NCS1: variants seen among roughly 807,000 people sequenced by gnomAD.
NCS1 encodes the protein neuronal calcium sensor 1, also known as frequenin homolog.
A neutral mutation model predicts 28.4 loss-of-function variants in NCS1; 6 were observed. That is an observed-to-expected ratio of 0.21 (90% CI 0.12 to 0.42). The LOEUF (loss-of-function observed/expected upper bound fraction) is 0.42, where lower values mean the gene tolerates loss of function less well. Ranked by LOEUF, NCS1 falls within the 10% of genes least tolerant of loss-of-function variation. The pLI is 1.00. For missense variants in NCS1, 131 were observed against 241.4 expected (o/e 0.54, Z 3.03); for synonymous variants, 86 against 99.3 (o/e 0.87, Z 0.79).
rs574265034 is a variant in NCS1, at chr9:130,191,739, C to G, written c.65-9219C>G. ...CGACAGTGGCCGTCACAGCTGCTCA[C>G]TGCTGCACATGGCGGTCTGATGGCC... On this transcript the variant is annotated intron_variant, in intron 1 of 7. Transcript: ENST00000372398. This position sits in a 1 kb window ranked among gnomAD's most constrained non-coding sequence, Gnocchi z 6.4. 1.7e-3 allele frequency among the ~76,000 whole-genome samples: 265 copies of G among 152,390 alleles called. No individual in the cohort carries two copies. The highest frequency in any genetic ancestry group is 3.0e-3 in the Non-Finnish European group (205 of 68,034).
chr9:130,204,348 G>T (rs1423976461), intron 2 of NCS1, among the ~76,000 whole-genome samples: 1 of 152,056 alleles, frequency 6.6e-6, no homozygotes, highest in Non-Finnish European at 1.5e-5. Context: ...GAGTGTGGTG[G>T]TACTACCAAA....
In NCS1 at chr9:130,226,786, G is replaced by A. The variant is rs2131160241; in HGVS notation, c.*17+282G>A. On this transcript the variant is annotated intron_variant, in intron 7 of 7. Coordinates refer to ENST00000372398, the MANE Select transcript of NCS1 (RefSeq NM_014286.4). The surrounding 1 kb of genome is among the most constrained non-coding windows in gnomAD (Gnocchi z 4.8). ...TCACGCCTGTAATCCCAGCACTTTG[G>A]GAAGCTGAAGCAGGCGGATCACCAG... 6.6e-6 allele frequency among the ~76,000 whole-genome samples: 1 copy of A among 152,146 alleles called. No homozygotes were observed. The highest frequency in any genetic ancestry group is 1.5e-5 in the Non-Finnish European group (1 of 68,014).
chr9:130,231,907 G>A (rs1833506038), intron 7 of NCS1, among the ~76,000 whole-genome samples: 1 of 151,758 alleles, frequency 6.6e-6, no homozygotes, highest in South Asian at 2.1e-4. Context: ...CCATCCTAGT[G>A]GGTGTGAAGT....
chr9:130,209,091 GGAGA>G lies in NCS1; in HGVS notation c.89+8113_89+8116del, dbSNP rs1374964610. ...GGAGTGTGGGGAGGGGCATGCCACT[GGAGA>G]GAGTTGTTTGAAGAGATAATGGGAG... On this transcript the variant is annotated intron_variant, in intron 2 of 7. Coordinates refer to ENST00000372398, the MANE Select transcript of NCS1 (RefSeq NM_014286.4). The surrounding 1 kb of genome is among the most constrained non-coding windows in gnomAD (Gnocchi z 4.4). 6.6e-6 allele frequency among the ~76,000 whole-genome samples: 1 copy of G among 152,206 alleles called. No individual in the cohort carries two copies. Among genetic ancestry groups the G allele is most frequent in the African/African-American group, 2.4e-5 (1 of 41,450 alleles).
intron 4 of NCS1, 91 bp from the exon 5 acceptor site, chr9:130,222,548 CGGTCGCTGACT>C: frequency 3.3e-6 from 3 of 897,690 alleles, no homozygotes; most frequent in Non-Finnish European, 3.7e-6. Context: ...ATGGGCCATC[CGGTCGCTGACT>C]TCATGTTGGG....
chr9:130,184,096 C>T (rs904662489), intron 1 of NCS1, among the ~76,000 whole-genome samples: 1 of 152,114 alleles, frequency 6.6e-6, no homozygotes, highest in East Asian at 1.9e-4. Flanking sequence ...AGGTGTGAGC[C>T]ACCGCGCCCG....
chr9:130,210,921 C>T (rs961478968), intron 2 of NCS1, among the ~76,000 whole-genome samples: 15 of 150,976 alleles, frequency 9.9e-5, no homozygotes, highest in Admixed American at 7.9e-4. Flanking sequence ...TCACTGCAAC[C>T]TCAAACTTTT....
intron 3 of NCS1, among the ~76,000 whole-genome samples, chr9:130,218,916 C>T (rs1588123234): frequency 6.6e-6 from 1 of 152,114 alleles, no homozygotes; most frequent in Non-Finnish European, 1.5e-5. Flanking sequence ...TTAATGAGGC[C>T]TTACAAGCAC....
At chr9:130,224,788 G>A (rs10988647) in intron 6 of NCS1, among the ~76,000 whole-genome samples, 8,400 of 152,210 alleles carry the variant, frequency 0.055, 675 homozygotes, top group African/African-American at 0.18. Flanking sequence ...GGACTCCAAA[G>A]AAATAAGGAA....
intron 1 of NCS1, among the ~76,000 whole-genome samples, chr9:130,185,017 C>T (rs1832720797): frequency 6.6e-6 from 1 of 152,126 alleles, no homozygotes; most frequent in Non-Finnish European, 1.5e-5. Context: ...GCCACCGCGC[C>T]CGGCCATCCC....
At chr9:130,206,653 G>T (rs1007472036) in intron 2 of NCS1, among the ~76,000 whole-genome samples, 1 of 151,892 alleles carries the variant, frequency 6.6e-6, no homozygotes, top group Admixed American at 6.6e-5. Context: ...CAGATGATCC[G>T]CCCACCTCAG....
intron 4 of NCS1, among the ~76,000 whole-genome samples, chr9:130,220,784 CTTTA>C (rs1488414478): frequency 1.3e-5 from 2 of 148,256 alleles, no homozygotes; most frequent in East Asian, 2.0e-4. Context: ...TAAAAGAGAA[CTTTA>C]TTTATGCAAA....
In NCS1 at chr9:130,191,079, C is replaced by T. The variant is rs1832810823; in HGVS notation, c.65-9879C>T. The stretch of plus-strand genomic sequence containing the variant: ...CGGCACAGCATCTCCAGGGCGCCCA[C>T]CATGTGCTGGGCTCAGTGCTTGTGA... On this transcript the variant is annotated intron_variant, in intron 1 of 7. Coordinates refer to ENST00000372398, the MANE Select transcript of NCS1 (RefSeq NM_014286.4). This position sits in a 1 kb window ranked among gnomAD's most constrained non-coding sequence, Gnocchi z 6.4. Among the ~76,000 whole-genome samples, 2 of 152,196 alleles carry T rather than the reference C, an allele frequency of 1.3e-5. No individual in the cohort carries two copies. Among genetic ancestry groups the T allele is most frequent in the South Asian group, 4.1e-4 (2 of 4,830 alleles).
chr9:130,199,894 TG>T (rs1832918927), intron 1 of NCS1, among the ~76,000 whole-genome samples: 2 of 148,036 alleles, frequency 1.4e-5, no homozygotes, highest in South Asian at 4.5e-4. Context: ...TGTCTGTTCA[TG>T]TGTTCATTCA....
rs1473240459 is a variant in NCS1, at chr9:130,189,885, T to A, written c.65-11073T>A. ...AAAAAAAAAAAAAAAAAAAAATATATATATATATATATATATATATATATT... is the reference window on the plus strand; with the variant it reads ...AAAAAAAAAAAAAAAAAAAAATATAAATATATATATATATATATATATATT... On this transcript the variant is annotated intron_variant, in intron 1 of 7. Transcript: ENST00000372398. 5.8e-3 allele frequency among the ~76,000 whole-genome samples: 508 copies of A among 87,224 alleles called. 4 individuals carry two copies. The highest frequency in any genetic ancestry group is 0.018 in the African/African-American group (313 of 17,826). 57.2% of individuals were successfully genotyped at this position (87,224 alleles called of 152,430 possible). A position where few individuals can be genotyped will look rare whatever the true frequency, so the allele number is the denominator to read the frequency against.
At chr9:130,208,992 G>T (rs1833072090) in intron 2 of NCS1, among the ~76,000 whole-genome samples, 1 of 152,092 alleles carries the variant, frequency 6.6e-6, no homozygotes, top group Admixed American at 6.6e-5. Context: ...CTGTAAAACC[G>T]GAGGCTACTG....
intron 2 of NCS1, among the ~76,000 whole-genome samples, chr9:130,211,674 A>G (rs896783166): frequency 2.0e-5 from 3 of 152,008 alleles, no homozygotes; most frequent in East Asian, 1.9e-4. Context: ...ATTCTGGAGT[A>G]TGGGCTCTGG....
intron 1 of NCS1, among the ~76,000 whole-genome samples, chr9:130,198,753 A>G (rs1234639242): frequency 6.6e-6 from 1 of 152,204 alleles, no homozygotes; most frequent in African/African-American, 2.4e-5. Context: ...AAGGACACAC[A>G]GTGCCCTGTG....
intron 1 of NCS1, among the ~76,000 whole-genome samples, chr9:130,193,051 A>G (rs1301568783): frequency 1.3e-5 from 2 of 152,114 alleles, no homozygotes; most frequent in East Asian, 3.9e-4. Context: ...GCTTTGAGGA[A>G]CTGCCCCTCC....
Sources: allele counts gnomAD v4.1 joint callset (sites outside exome capture counted in the v4.1 genomes callset), GRCh38; gene constraint gnomAD v4.1.1; non-coding constraint Gnocchi (gnomAD v3.1); transcripts MANE v1.5; gene names NCBI Gene and HGNC (gene_info 2026-07-23, HGNC 2026-07-21).